Variants in PTPRD observed in about 807,000 individuals in gnomAD.
PTPRD encodes receptor-type tyrosine-protein phosphatase delta.
PTPRD carries 34 observed loss-of-function variants against 214.5 expected under a neutral mutation model. That is an observed-to-expected ratio of 0.16 (90% CI 0.12 to 0.21). The LOEUF (loss-of-function observed/expected upper bound fraction) is 0.21. Among genes scored for constraint, PTPRD ranks in the 10% least tolerant of loss-of-function variants. The pLI is 1.00. For missense variants in PTPRD, 2,545 were observed against 2,398.7 expected, an observed-to-expected ratio of 1.06 and a Z score of -1.27; for synonymous variants, 1,128 against 845.7, an observed-to-expected ratio of 1.33 and a Z score of -5.79.
intron 11 of PTPRD, among the ~76,000 whole-genome samples, chr9:8,779,024 T>C (rs893791971): frequency 1.3e-5 from 2 of 152,002 alleles, no homozygotes; most frequent in African/African-American, 4.8e-5. Context: ...TAAGATCCAC[T>C]CTGAAACGTA....
At position 8,524,696 on chromosome 9, in the gene PTPRD, T is replaced by C; in HGVS notation, c.679+229A>G. On this transcript the variant is annotated intron_variant, in intron 18 of 45. Coordinates refer to ENST00000381196, the MANE Select transcript of PTPRD (RefSeq NM_002839.4). The stretch of plus-strand genomic sequence containing the variant: ...AGAAACCAAGATGTAAAAATGCAAA[T>C]ATACTTACAAACTCCAAGCCTCAGG... 7 of 623,220 alleles carry C rather than the reference T, an allele frequency of 1.1e-5. No homozygotes were observed. In the South Asian group the frequency reaches 1.3e-4, roughly 11 times the overall value. The allele number at this position is 623,220 out of a possible 1,614,324, so 38.6% of individuals were successfully genotyped here. A position where few individuals can be genotyped will look rare whatever the true frequency, so the allele number is the denominator to read the frequency against.
intron 11 of PTPRD, among the ~76,000 whole-genome samples, chr9:8,832,988 T>C (rs1377136320): frequency 3.3e-5 from 5 of 152,148 alleles, no homozygotes; most frequent in Non-Finnish European, 4.4e-5. Flanking sequence ...AAAGACATTT[T>C]CTTTCCTATT....
At chr9:9,435,541 T>G (rs2084902594) in intron 8 of PTPRD, among the ~76,000 whole-genome samples, 1 of 152,152 alleles carries the variant, frequency 6.6e-6, no homozygotes, top group African/African-American at 2.4e-5. Flanking sequence ...CAACAGATTT[T>G]AAGTGCTAAG....
chr9:8,620,002 C>T (rs576479682), intron 14 of PTPRD, among the ~76,000 whole-genome samples: 1 of 152,128 alleles, frequency 6.6e-6, no homozygotes, highest in South Asian at 2.1e-4. Flanking sequence ...GTAGCCTCTC[C>T]AGACACTGCA....
chr9:9,777,847 G>C (rs2098810769), intron 5 of PTPRD, among the ~76,000 whole-genome samples: 1 of 152,306 alleles, frequency 6.6e-6, no homozygotes, highest in Non-Finnish European at 1.5e-5. Flanking sequence ...GAGAATTAGA[G>C]TACCATCAGG....
At chr9:10,178,646 A>T (rs964382704) in intron 3 of PTPRD, among the ~76,000 whole-genome samples, 4 of 152,048 alleles carry the variant, frequency 2.6e-5, no homozygotes, top group Non-Finnish European at 5.9e-5. Context: ...AAATTTAAAA[A>T]GAAATAATAA....
At chr9:9,047,360 A>G (rs1246334366) in intron 10 of PTPRD, among the ~76,000 whole-genome samples, 1 of 152,158 alleles carries the variant, frequency 6.6e-6, no homozygotes, top group Non-Finnish European at 1.5e-5. Flanking sequence ...TGCAATCTCT[A>G]TCAAAATACC....
At chr9:8,321,579 ATTATT>A (rs1828226815) in intron 44 of PTPRD, among the ~76,000 whole-genome samples, 1 of 147,474 alleles carries the variant, frequency 6.8e-6, no homozygotes, top group African/African-American at 2.5e-5. Flanking sequence ...GAATATTAAA[ATTATT>A]TTATGACAAA....
intron 9 of PTPRD, among the ~76,000 whole-genome samples, chr9:9,203,500 C>T (rs747332486): frequency 6.6e-6 from 1 of 152,172 alleles, no homozygotes; most frequent in Non-Finnish European, 1.5e-5. Flanking sequence ...TTCTTCCTCT[C>T]CCTCTATAAG....
intron 2 of PTPRD, among the ~76,000 whole-genome samples, chr9:10,592,562 G>A (rs980982460): frequency 6.6e-6 from 1 of 151,968 alleles, no homozygotes; most frequent in Admixed American, 6.6e-5. Context: ...CTGGTAGTGA[G>A]AGGGGAAGCC....
At chr9:8,836,020 G>A (rs2097413038) in intron 11 of PTPRD, among the ~76,000 whole-genome samples, 1 of 152,072 alleles carries the variant, frequency 6.6e-6, no homozygotes. Flanking sequence ...CATAAATATT[G>A]GTTTAATTAA....
intron 14 of PTPRD, among the ~76,000 whole-genome samples, chr9:8,543,772 G>C (rs1302025338): frequency 1.3e-5 from 2 of 152,026 alleles, no homozygotes; most frequent in African/African-American, 2.4e-5. Context: ...GAGTGCAATG[G>C]CATGGTCTAG....
At position 10,547,123 on chromosome 9, in the gene PTPRD, T is replaced by G. The variant is rs78416990; in HGVS notation, c.-600+65275A>C. On this transcript the variant is annotated intron_variant, in intron 2 of 45. Coordinates refer to ENST00000381196, the MANE Select transcript of PTPRD (RefSeq NM_002839.4). ...AACTTTCTTATTTCAAGTCAACCTA[T>G]AACATACCTCAATATCAACAGAAGA... Among the ~76,000 whole-genome samples the G allele has an allele frequency of 7.9e-3, 1,204 of 152,190 alleles. 28 individuals carry two copies. Among genetic ancestry groups the G allele is most frequent in the African/African-American group, 0.027 (1,135 of 41,556 alleles).
chr9:8,876,609 G>T (rs1187880291), intron 11 of PTPRD, among the ~76,000 whole-genome samples: 2 of 152,112 alleles, frequency 1.3e-5, no homozygotes, highest in Non-Finnish European at 2.9e-5. Context: ...TATTCAAGAA[G>T]AATTCATAGG....
At chr9:8,986,247 T>C (rs1443477499) in intron 11 of PTPRD, among the ~76,000 whole-genome samples, 1 of 152,062 alleles carries the variant, frequency 6.6e-6, no homozygotes, top group Non-Finnish European at 1.5e-5. Context: ...CCAAACATTA[T>C]TGTTTTTTGA....
intron 8 of PTPRD, among the ~76,000 whole-genome samples, chr9:9,556,283 A>T (rs1569569239): frequency 1.3e-5 from 2 of 152,164 alleles, no homozygotes; most frequent in Non-Finnish European, 2.9e-5. Context: ...CATTGTCTTC[A>T]CACTGAGTAA....
At chr9:9,828,245 G>C (rs1428611279) in intron 5 of PTPRD, among the ~76,000 whole-genome samples, 3 of 152,154 alleles carry the variant, frequency 2.0e-5, no homozygotes, top group African/African-American at 7.2e-5. Flanking sequence ...CAAAGACTTG[G>C]AACCAACCCA....
chr9:8,697,283 A>G (rs1565361066), intron 12 of PTPRD, among the ~76,000 whole-genome samples: 1 of 152,098 alleles, frequency 6.6e-6, no homozygotes, highest in Non-Finnish European at 1.5e-5. Flanking sequence ...ATAGCCAGAG[A>G]AATCTAGAGG....
intron 3 of PTPRD, among the ~76,000 whole-genome samples, chr9:10,275,912 G>C (rs527871074): frequency 2.6e-5 from 4 of 152,300 alleles, no homozygotes; most frequent in East Asian, 3.9e-4. Flanking sequence ...AGGGGTTTGA[G>C]AGCCAGTGTA....
Sources: gnomAD v4.1 joint callset for allele counts (sites outside exome capture counted in the v4.1 genomes callset) on GRCh38, gnomAD v4.1.1 for gene constraint, MANE v1.5 for transcripts, NCBI Gene and HGNC (gene_info 2026-07-23, HGNC 2026-07-21) for gene names.